Variants in RAB31 observed in about 807,000 individuals in gnomAD.
The protein encoded by RAB31 is ras-related protein Rab-31.
RAB31 carries 21 observed loss-of-function variants against 25.6 expected under a neutral mutation model. The observed-to-expected ratio is 0.82, with a 90% CI of 0.58 to 1.18. The LOEUF (loss-of-function observed/expected upper bound fraction) is 1.18. Among genes scored for constraint, RAB31 ranks in the 50% most tolerant of loss-of-function variants. The pLI, the probability that RAB31 is intolerant of heterozygous loss-of-function variation, is 0.00. For missense variants in RAB31, 196 were observed against 250.1 expected (o/e 0.78, Z 1.46); for synonymous variants, 87 against 84.0 (o/e 1.04, Z -0.20).
chr18:9,802,807 G>T (rs1444142789), intron 3 of RAB31, among the ~76,000 whole-genome samples: 1 of 152,258 alleles, frequency 6.6e-6, no homozygotes, highest in Non-Finnish European at 1.5e-5. Context: ...AAAGGAACTG[G>T]AGGCAGCAGA....
chr18:9,802,420 A>T (rs1228535429), intron 3 of RAB31, among the ~76,000 whole-genome samples: 2 of 152,342 alleles, frequency 1.3e-5, no homozygotes, highest in South Asian at 4.1e-4. Flanking sequence ...CATACCTTTA[A>T]TCCCAGTACT....
At chr18:9,786,546 C>G (rs912196672) in intron 2 of RAB31, among the ~76,000 whole-genome samples, 1 of 152,202 alleles carries the variant, frequency 6.6e-6, no homozygotes, top group Admixed American at 6.5e-5. Flanking sequence ...AGCCCTCAAC[C>G]TGTGGGATCT....
At chr18:9,722,792 G>T (rs2068079584) in intron 1 of RAB31, 1 of 152,212 alleles carries the variant, frequency 6.6e-6, no homozygotes, top group African/African-American at 2.4e-5. Flanking sequence ...GTATTGGCAG[G>T]ACTCTGGACA....
At chr18:9,801,576 C>T (rs778342448) in intron 3 of RAB31, among the ~76,000 whole-genome samples, 39 of 152,092 alleles carry the variant, frequency 2.6e-4, no homozygotes, top group Non-Finnish European at 4.0e-4. Flanking sequence ...CCACCGTGCC[C>T]GGCCAGATGC....
At chr18:9,751,172 TATACGCATGCACC>T (rs1174319318) in intron 1 of RAB31, among the ~76,000 whole-genome samples, 1 of 152,180 alleles carries the variant, frequency 6.6e-6, no homozygotes, top group Non-Finnish European at 1.5e-5. Flanking sequence ...TAGCTGGGAC[TATACGCATGCACC>T]ACCATGCCCG....
chr18:9,736,571 C>T (rs1001462789), intron 1 of RAB31, among the ~76,000 whole-genome samples: 2 of 152,102 alleles, frequency 1.3e-5, no homozygotes, highest in African/African-American at 4.8e-5. Flanking sequence ...TTTGTAAACC[C>T]CTTGACAACT....
chr18:9,794,942 T>A (rs2068479518), intron 3 of RAB31, among the ~76,000 whole-genome samples: 1 of 152,146 alleles, frequency 6.6e-6, no homozygotes, highest in Admixed American at 6.6e-5. Context: ...AAAGCAAGAC[T>A]AAGCAAAAAG....
intron 5 of RAB31, among the ~76,000 whole-genome samples, chr18:9,826,185 T>G (rs576236790): frequency 3.8e-5 from 5 of 130,710 alleles, no homozygotes; most frequent in African/African-American, 8.2e-5. Context: ...AAGACCAGCC[T>G]GGCCAACATG....
intron 6 of RAB31, chr18:9,856,444 G>A (rs1331861581): frequency 6.6e-6 from 1 of 152,152 alleles, no homozygotes; most frequent in Admixed American, 6.5e-5. Context: ...TTTAATAACT[G>A]TCTTACATAT....
intron 5 of RAB31, among the ~76,000 whole-genome samples, chr18:9,843,014 C>T (rs2068741880): frequency 6.6e-6 from 1 of 152,212 alleles, no homozygotes; most frequent in African/African-American, 2.4e-5. Context: ...GATAACTGTT[C>T]TTTTGTAAGC....
rs369816691 is a variant in RAB31, at chr18:9,789,578, TA to T, written c.120-2571del. On this transcript the variant is annotated intron_variant, in intron 2 of 6. Coordinates refer to ENST00000578921, the MANE Select transcript of RAB31 (RefSeq NM_006868.4). The stretch of plus-strand genomic sequence containing the variant: ...GAATAATCCCATTTTAAAAGTCATA[TA>T]AAAATAATTGGGAAGGACATATACC... 1.1e-3 allele frequency among the ~76,000 whole-genome samples: 162 copies of T among 152,362 alleles called. 2 individuals carry two copies. The highest frequency in any genetic ancestry group is 6.8e-3 in the Middle Eastern group (2 of 294).
At chr18:9,803,081 G>A (rs540368063) in intron 3 of RAB31, among the ~76,000 whole-genome samples, 55 of 152,240 alleles carry the variant, frequency 3.6e-4, no homozygotes, top group African/African-American at 1.2e-3. Context: ...AGCACAGCCC[G>A]GAATCCTGCT....
At chr18:9,853,606 A>G (rs916803529) in intron 6 of RAB31, among the ~76,000 whole-genome samples, 7 of 152,192 alleles carry the variant, frequency 4.6e-5, no homozygotes, top group African/African-American at 1.7e-4. Context: ...AGGAGGATAC[A>G]TGTTATTACA....
At chr18:9,743,153 T>G (rs527830953) in intron 1 of RAB31, among the ~76,000 whole-genome samples, 1 of 152,338 alleles carries the variant, frequency 6.6e-6, no homozygotes, top group South Asian at 2.1e-4. Context: ...TGAAATAGTT[T>G]TGCTTGAAAT....
At chr18:9,760,906 A>G (rs985322474) in intron 1 of RAB31, among the ~76,000 whole-genome samples, 1 of 152,222 alleles carries the variant, frequency 6.6e-6, no homozygotes, top group African/African-American at 2.4e-5. Flanking sequence ...ATAAAATGAC[A>G]TAACGCTTCA....
At chr18:9,793,179 C>T (rs1158726024) in intron 3 of RAB31, among the ~76,000 whole-genome samples, 1 of 152,010 alleles carries the variant, frequency 6.6e-6, no homozygotes, top group East Asian at 1.9e-4. Context: ...GCTCAAGAGA[C>T]CCTCCTGCCT....
At position 9,708,781 on chromosome 18, in the gene RAB31, C is replaced by T. The variant is rs531902698; in HGVS notation, c.39+337C>T. Among the ~76,000 whole-genome samples the T allele has an allele frequency of 5.2e-4, 79 of 152,252 alleles. 3 individuals are homozygous for T. The South Asian group carries it at 0.016, about 31-fold the overall frequency. On this transcript the variant is annotated intron_variant, in intron 1 of 6. Transcript: ENST00000578921. The surrounding 1 kb of genome is among the most constrained non-coding windows in gnomAD (Gnocchi z 6.4). ...CTTACTCCGCTCTTTCCTCCCGGCC[C>T]GCGAGTCCCCGGATCCGCGGCGACC...
At chr18:9,825,561 A>G (rs2068645673) in intron 5 of RAB31, among the ~76,000 whole-genome samples, 1 of 152,228 alleles carries the variant, frequency 6.6e-6, no homozygotes, top group South Asian at 2.1e-4. Context: ...CAATAGGAAG[A>G]GGCAGGCAAG....
intron 1 of RAB31, among the ~76,000 whole-genome samples, chr18:9,768,029 T>C (rs1189216256): frequency 2.0e-5 from 3 of 152,204 alleles, no homozygotes; most frequent in Non-Finnish European, 2.9e-5. Flanking sequence ...TTCATCCGTG[T>C]CCCTGCAAAG....
Sources: gnomAD v4.1 joint callset for allele counts (sites outside exome capture counted in the v4.1 genomes callset) on GRCh38, gnomAD v4.1.1 for gene constraint, Gnocchi (gnomAD v3.1) non-coding constraint, MANE v1.5 for transcripts, NCBI Gene and HGNC (gene_info 2026-07-23, HGNC 2026-07-21) for gene names.